The following MTA3 variants were observed in gnomAD, a reference collection of about 807,000 sequenced individuals.
MTA3 encodes the protein metastasis associated 1 family member 3, also known as metastasis-associated protein MTA3.
MTA3 carries 34 observed loss-of-function variants against 83.5 expected under a neutral mutation model. That is an observed-to-expected ratio of 0.41 (90% CI 0.31 to 0.54). The LOEUF (loss-of-function observed/expected upper bound fraction) is 0.54, where lower values mean the gene tolerates loss of function less well. MTA3 is among the 20% of genes least tolerant of loss of function. The pLI is 0.33. For synonymous variants in MTA3, 303 were observed against 252.7 expected (o/e 1.20, Z -1.89); for missense variants, 761 against 726.4 (o/e 1.05, Z -0.55).
chr2:42,753,290 G>T, intron 16 of MTA3, 84 bp from the exon 17 acceptor site: 1 of 1,545,154 alleles, frequency 6.5e-7, no homozygotes, highest in Admixed American at 2.0e-5. Flanking sequence ...TGTGATGTTG[G>T]GAGGGGTGAG....
At chr2:42,602,888 G>A (rs182567687) in intron 3 of MTA3, among the ~76,000 whole-genome samples, 1 of 152,260 alleles carries the variant, frequency 6.6e-6, no homozygotes, top group Admixed American at 6.5e-5. Flanking sequence ...TGTCCGTTCA[G>A]ACTGATTTCT....
chr2:42,572,672 G>A lies in MTA3; in HGVS notation c.96+2168G>A, dbSNP rs187305796. Among the ~76,000 whole-genome samples the A allele has an allele frequency of 1.1e-3, 160 of 152,252 alleles. 1 individual carries two copies. Among genetic ancestry groups the A allele is most frequent in the Non-Finnish European group, 1.8e-3 (120 of 68,026 alleles). The stretch of plus-strand genomic sequence containing the variant: ...ACATTAAGATTTGTCCGAGATGGTC[G>A]TTTATTAGGACAAAAGAAGCCTTAT... On this transcript the variant is annotated intron_variant, in intron 2 of 16. Coordinates refer to ENST00000405094, the MANE Select transcript of MTA3 (RefSeq NM_001330442.2).
At chr2:42,736,225 A>G (rs527624537) in intron 16 of MTA3, among the ~76,000 whole-genome samples, 5 of 152,126 alleles carry the variant, frequency 3.3e-5, no homozygotes, top group South Asian at 4.1e-4. Context: ...ATCTGGGAGA[A>G]TTCCCTGGAT....
intron 14 of MTA3, among the ~76,000 whole-genome samples, chr2:42,716,626 C>T (rs1667050562): frequency 6.6e-6 from 1 of 152,146 alleles, no homozygotes; most frequent in Admixed American, 6.5e-5. Context: ...ATAGTGGCCT[C>T]CAGCTCCATC....
At chr2:42,518,511 T>C (rs1286889488) in intron 2 of MTA3, among the ~76,000 whole-genome samples, 1 of 152,132 alleles carries the variant, frequency 6.6e-6, no homozygotes, top group Non-Finnish European at 1.5e-5. Context: ...ATAAAATAAA[T>C]ATCCAGGAGT....
At chr2:42,603,925 A>G (rs1429457689) in intron 3 of MTA3, among the ~76,000 whole-genome samples, 1 of 151,944 alleles carries the variant, frequency 6.6e-6, no homozygotes, top group Non-Finnish European at 1.5e-5. Flanking sequence ...TAATTTTTCT[A>G]TTTTTAGTAG....
chr2:42,622,864 C>T (rs140416838), intron 4 of MTA3, among the ~76,000 whole-genome samples: 45 of 152,142 alleles, frequency 3.0e-4, no homozygotes, highest in Non-Finnish European at 5.1e-4. Context: ...AACAAAAGTG[C>T]TGGAGGACTT....
intron 10 of MTA3, among the ~76,000 whole-genome samples, 162 bp from the exon 11 acceptor site, chr2:42,697,614 A>G (rs921181891): frequency 2.6e-5 from 4 of 152,306 alleles, no homozygotes; most frequent in African/African-American, 9.6e-5. Flanking sequence ...GACTTTTCTT[A>G]GACATTATTG....
At chr2:42,538,765 TTGTTTTTTTTTG>T (rs910037852) in intron 2 of MTA3, among the ~76,000 whole-genome samples, 3 of 95,776 alleles carry the variant, frequency 3.1e-5, no homozygotes, top group Non-Finnish European at 4.4e-5. Flanking sequence ...AATGTTTTTT[TTGTTTTTTTTTG>T]TTTTTTTTGA....
At chr2:42,702,639 T>A (rs995469266) in intron 11 of MTA3, 4 of 152,364 alleles carry the variant, frequency 2.6e-5, no homozygotes, top group Middle Eastern at 6.8e-3. Context: ...TTGCTTATTT[T>A]CTGTTTAGCA....
chr2:42,606,790 A>G (rs1215340484), intron 3 of MTA3, among the ~76,000 whole-genome samples: 1 of 151,340 alleles, frequency 6.6e-6, no homozygotes, highest in East Asian at 1.9e-4. Context: ...CCTGGGCACC[A>G]TTGAGCACTG....
chr2:42,570,533 A>C, intron 2 of MTA3, 29 bp downstream of exon 2: 2 of 1,272,520 alleles, frequency 1.6e-6, no homozygotes, highest in Non-Finnish European at 2.1e-6. Context: ...TAATTTTAAT[A>C]TTAAAAATAT....
At chr2:42,564,194 G>C (rs1428145409), upstream of MTA3, among the ~76,000 whole-genome samples, 1 of 152,140 alleles carries the variant, frequency 6.6e-6, no homozygotes, top group Admixed American at 6.5e-5. Flanking sequence ...CCACCCAGAG[G>C]CTCATTTCTG....
intron 2 of MTA3, among the ~76,000 whole-genome samples, chr2:42,555,253 G>A (rs900192769): frequency 6.6e-6 from 1 of 151,166 alleles, no homozygotes. Flanking sequence ...AACTGAGGTC[G>A]GGAGTTCGAG....
chr2:42,633,070 C>G (rs1436331077), intron 4 of MTA3, among the ~76,000 whole-genome samples: 2 of 151,810 alleles, frequency 1.3e-5, no homozygotes, highest in East Asian at 1.9e-4. Context: ...CGAGACCATC[C>G]TGGCCAACAT....
chr2:42,601,067 C>T (rs571156279), intron 3 of MTA3, among the ~76,000 whole-genome samples: 14 of 152,034 alleles, frequency 9.2e-5, no homozygotes, highest in East Asian at 3.9e-4. Context: ...CCTCCACGTC[C>T]GGCTAATTTT....
intron 2 of MTA3, among the ~76,000 whole-genome samples, chr2:42,501,658 G>A (rs1258231582): frequency 6.6e-6 from 1 of 152,166 alleles, no homozygotes; most frequent in Admixed American, 6.5e-5. Context: ...TGCCAAGCAA[G>A]GAGAATCGGA....
chr2:42,645,479 T>C lies in MTA3; in HGVS notation c.499+1235T>C, dbSNP rs181405201. On this transcript the variant is annotated intron_variant, in intron 6 of 16. Transcript: ENST00000405094. ...GGCAGAGGTTGGAGTGAGCCAAGAT[T>C]GTGCCACTGCACTCCAGCTTGGGCA... Among the ~76,000 whole-genome samples, 4 of 152,228 alleles carry C rather than the reference T, an allele frequency of 2.6e-5. No homozygotes were observed. The East Asian group carries it at 7.7e-4, about 29-fold the overall frequency.
intron 2 of MTA3, among the ~76,000 whole-genome samples, chr2:42,498,534 C>G (rs1674247986): frequency 6.6e-6 from 1 of 152,210 alleles, no homozygotes; most frequent in Non-Finnish European, 1.5e-5. Flanking sequence ...AAAAGCTATA[C>G]ATACTTACGG....
Sources: gnomAD v4.1 joint callset for allele counts (sites outside exome capture counted in the v4.1 genomes callset) on GRCh38, gnomAD v4.1.1 for gene constraint, MANE v1.5 for transcripts, NCBI Gene and HGNC (gene_info 2026-07-23, HGNC 2026-07-21) for gene names.